TNR: variants seen among roughly 807,000 people sequenced by gnomAD.
TNR encodes the protein tenascin-R.
A neutral mutation model predicts 150.4 loss-of-function variants in TNR; 45 were observed. That is an observed-to-expected ratio of 0.30 (90% CI 0.24 to 0.38). TNR has a LOEUF of 0.38. TNR is among the 10% of genes least tolerant of loss of function. TNR has a pLI of 1.00. For synonymous variants in TNR, 687 were observed against 678.4 expected (o/e 1.01, Z -0.20); for missense variants, 1,544 against 1,759.1 (o/e 0.88, Z 2.19).
At position 175,386,059 on chromosome 1, in the gene TNR, C is replaced by T. The variant is rs1652904862; in HGVS notation, c.1750G>A (p.Asp584Asn). 5.0e-6 allele frequency: 8 copies of T among 1,600,496 alleles called. No homozygotes were observed. The Admixed American group carries it at 5.1e-5, about 10-fold the overall frequency. The stretch of plus-strand genomic sequence containing the variant: ...GTTGTGAACTGAGTGGTGGCAGAAT[C>T]GCTCTCGTTGGTCCCTCGGACGGCA... ...VSAVRGTNESDSATTQFTTEI... is the reference protein window; with the variant it reads ...VSAVRGTNESNSATTQFTTEI... The change falls in exon 8 of 23, where the codon GAT becomes AAT. Residue 584 changes from aspartate to asparagine, a missense_variant. By Grantham distance (23) the Asp-to-Asn change is conservative (BLOSUM62 1). Transcript: ENST00000367674.
At chr1:175,729,005 G>A (rs1667553570) in intron 1 of TNR, among the ~76,000 whole-genome samples, 1 of 152,164 alleles carries the variant, frequency 6.6e-6, no homozygotes, top group Admixed American at 6.5e-5. Flanking sequence ...TGGATCAGAG[G>A]GAGAGGCATT....
chr1:175,342,653 G>C (rs1650578758), intron 18 of TNR, among the ~76,000 whole-genome samples: 1 of 152,214 alleles, frequency 6.6e-6, no homozygotes, highest in Non-Finnish European at 1.5e-5. Context: ...CAGGAGGAGA[G>C]TGACAATAGC....
chr1:175,662,118 A>G (rs963208382), intron 1 of TNR, among the ~76,000 whole-genome samples: 3 of 152,158 alleles, frequency 2.0e-5, no homozygotes, highest in African/African-American at 7.2e-5. Flanking sequence ...CAGGTGAGCA[A>G]GGAGGTGGGG....
At chr1:175,647,688 C>T (rs147706311) in intron 1 of TNR, among the ~76,000 whole-genome samples, 2 of 152,166 alleles carry the variant, frequency 1.3e-5, no homozygotes, top group East Asian at 1.9e-4. Flanking sequence ...CTGGAGTCCT[C>T]AGCAGACTTG....
At chr1:175,440,886 T>A (rs913292082) in intron 2 of TNR, among the ~76,000 whole-genome samples, 1 of 152,024 alleles carries the variant, frequency 6.6e-6, no homozygotes, top group Non-Finnish European at 1.5e-5. Context: ...TGTCCTTAAG[T>A]AGGAGAGAGG....
At chr1:175,593,074 C>T (rs953478681) in intron 1 of TNR, among the ~76,000 whole-genome samples, 4 of 152,098 alleles carry the variant, frequency 2.6e-5, no homozygotes, top group African/African-American at 9.7e-5. Context: ...TTGATGCCAC[C>T]GGTTGAATCT....
chr1:175,335,320 C>T (rs984430166), intron 20 of TNR: 5 of 177,220 alleles, frequency 2.8e-5, no homozygotes, highest in Middle Eastern at 2.5e-3. Flanking sequence ...AGGAACTAAG[C>T]GGAGTGGCTG....
chr1:175,652,824 G>A (rs1322765257), intron 1 of TNR, among the ~76,000 whole-genome samples: 1 of 152,136 alleles, frequency 6.6e-6, no homozygotes, highest in African/African-American at 2.4e-5. Flanking sequence ...CTTTATAGCA[G>A]TGTGAAAATA....
chr1:175,357,594 A>G (rs1161346177), intron 15 of TNR, among the ~76,000 whole-genome samples: 1 of 152,136 alleles, frequency 6.6e-6, no homozygotes, highest in Non-Finnish European at 1.5e-5. Context: ...ACACTCTCAC[A>G]TCTCTGCAAA....
intron 18 of TNR, among the ~76,000 whole-genome samples, chr1:175,339,445 C>G (rs185014100): frequency 5.5e-4 from 83 of 152,286 alleles, no homozygotes; most frequent in African/African-American, 1.9e-3. Flanking sequence ...CTTCATAGTT[C>G]CTGATCCCAC....
At chr1:175,531,055 A>T (rs974423264) in intron 1 of TNR, among the ~76,000 whole-genome samples, 1 of 152,176 alleles carries the variant, frequency 6.6e-6, no homozygotes, top group Non-Finnish European at 1.5e-5. Flanking sequence ...GCACCTCCAA[A>T]GTGATTTAGA....
intron 9 of TNR, among the ~76,000 whole-genome samples, chr1:175,377,861 T>C (rs1652484263): frequency 6.6e-6 from 1 of 152,222 alleles, no homozygotes; most frequent in African/African-American, 2.4e-5. Context: ...TCCATGACTG[T>C]TCTGCACAGC....
chr1:175,597,584 C>G (rs749476189), intron 1 of TNR, among the ~76,000 whole-genome samples: 1 of 152,176 alleles, frequency 6.6e-6, no homozygotes, highest in Non-Finnish European at 1.5e-5. Context: ...CAGAGGCCTT[C>G]CTTTACTTTT....
intron 2 of TNR, among the ~76,000 whole-genome samples, chr1:175,464,640 T>G (rs1372012957): frequency 6.6e-6 from 1 of 152,204 alleles, no homozygotes; most frequent in African/African-American, 2.4e-5. Context: ...GTTGTAAGTA[T>G]AAGTGAACAA....
intron 1 of TNR, among the ~76,000 whole-genome samples, chr1:175,728,788 G>A (rs1667548099): frequency 6.6e-6 from 1 of 152,204 alleles, no homozygotes; most frequent in Admixed American, 6.5e-5. Context: ...AAAGGAGGTA[G>A]GGAAATCAAT....
chr1:175,722,993 T>C (rs1667359934), intron 1 of TNR, among the ~76,000 whole-genome samples: 1 of 152,068 alleles, frequency 6.6e-6, no homozygotes, highest in Admixed American at 6.5e-5. Flanking sequence ...GGTTTCACCA[T>C]GTTGGCCAGG....
intron 1 of TNR, among the ~76,000 whole-genome samples, chr1:175,546,147 T>C (rs1010503905): frequency 5.3e-5 from 8 of 152,050 alleles, no homozygotes; most frequent in African/African-American, 1.9e-4. Context: ...GGCAGAAGAA[T>C]CAAAGGACAG....
chr1:175,404,134 CT>C (rs1653846521), intron 3 of TNR, among the ~76,000 whole-genome samples: 1 of 152,156 alleles, frequency 6.6e-6, no homozygotes, highest in Admixed American at 6.5e-5. Flanking sequence ...CCCCCAGCCC[CT>C]CATTCTCTCT....
chr1:175,593,128 G>T (rs1162930163), intron 1 of TNR, among the ~76,000 whole-genome samples: 2 of 152,186 alleles, frequency 1.3e-5, no homozygotes, highest in South Asian at 2.1e-4. Context: ...TTATGGAAGG[G>T]CATTAAGAGT....
Sources: allele counts gnomAD v4.1 joint callset (sites outside exome capture counted in the v4.1 genomes callset), GRCh38; gene constraint gnomAD v4.1.1; transcripts MANE v1.5; gene names NCBI Gene and HGNC (gene_info 2026-07-23, HGNC 2026-07-21).